Variants in ZFHX3 observed in about 807,000 individuals in gnomAD.
The protein encoded by ZFHX3 is zinc finger homeobox protein 3.
ZFHX3 carries 42 observed loss-of-function variants against 279.1 expected under a neutral mutation model. The ratio of observed to expected loss-of-function variants is 0.15; its 90% CI spans 0.12 to 0.19. The LOEUF is 0.19. Among genes scored for constraint, ZFHX3 ranks in the 10% least tolerant of loss-of-function variants. The probability of loss-of-function intolerance (pLI) is 1.00; values close to 1 mark genes in which losing one functional copy is unlikely to be tolerated. For missense variants in ZFHX3, 4,981 were observed against 4,754.0 expected, an observed-to-expected ratio of 1.05 and a Z score of -1.40; for synonymous variants, 2,293 against 1,957.8, an observed-to-expected ratio of 1.17 and a Z score of -4.52.
intron 4 of ZFHX3, among the ~76,000 whole-genome samples, chr16:73,308,826 A>G (rs1198858394): frequency 6.7e-6 from 1 of 149,758 alleles, no homozygotes; most frequent in Admixed American, 6.7e-5. Flanking sequence ...ACTAAAACAT[A>G]TTATATATAT....
At chr16:73,254,892 T>TTATC (rs1210739129) in intron 5 of ZFHX3, among the ~76,000 whole-genome samples, 1 of 152,046 alleles carries the variant, frequency 6.6e-6, no homozygotes, top group Non-Finnish European at 1.5e-5. Context: ...ATCCACCTGT[T>TTATC]TATCTATCCA....
At chr16:73,010,024 G>GAAAAAAAAAAAAAA (rs10709712) in intron 1 of ZFHX3, among the ~76,000 whole-genome samples, 1 of 84,654 alleles carries the variant, frequency 1.2e-5, no homozygotes, top group Non-Finnish European at 2.6e-5. Flanking sequence ...CCCTCTCAAA[G>GAAAAAAAAAAAAAA]AAAAAAAAAA....
intron 7 of ZFHX3, among the ~76,000 whole-genome samples, chr16:73,099,777 C>T (rs867942824): frequency 5.3e-5 from 8 of 150,048 alleles, no homozygotes; most frequent in South Asian, 2.1e-4. Flanking sequence ...GAGGAACAGA[C>T]GTGGGGTGGG....
intron 1 of ZFHX3, among the ~76,000 whole-genome samples, chr16:73,803,433 T>A (rs1254693839): frequency 6.6e-6 from 1 of 152,202 alleles, no homozygotes; most frequent in East Asian, 1.9e-4. Flanking sequence ...GAAGGAAATA[T>A]AAATTGCTAC....
At chr16:73,606,324 A>C (rs1388166987) in intron 2 of ZFHX3, among the ~76,000 whole-genome samples, 1 of 151,786 alleles carries the variant, frequency 6.6e-6, no homozygotes, top group African/African-American at 2.4e-5. Context: ...CCTAAAATAT[A>C]AAAATACAAA....
intron 1 of ZFHX3, among the ~76,000 whole-genome samples, chr16:73,011,744 G>GC (rs919529713): frequency 6.7e-6 from 1 of 149,342 alleles, no homozygotes; most frequent in East Asian, 2.0e-4. Context: ...AAAATCACAA[G>GC]CCCCCCTGTG....
chr16:73,312,709 A>G (rs2015354191), intron 4 of ZFHX3, among the ~76,000 whole-genome samples: 1 of 152,216 alleles, frequency 6.6e-6, no homozygotes, highest in Admixed American at 6.5e-5. Context: ...GCACAACTCT[A>G]CATTTGCCTC....
chr16:73,252,851 A>G (rs1365236852), intron 5 of ZFHX3, among the ~76,000 whole-genome samples: 1 of 152,184 alleles, frequency 6.6e-6, no homozygotes, highest in African/African-American at 2.4e-5. Context: ...AAAATGCATG[A>G]GAGAGAAAGG....
chr16:73,656,891 A>T (rs1445095337), intron 2 of ZFHX3, among the ~76,000 whole-genome samples: 1 of 152,252 alleles, frequency 6.6e-6, no homozygotes, highest in Non-Finnish European at 1.5e-5. Flanking sequence ...TTGTTTGCCA[A>T]GCTTCAGTCA....
At chr16:73,877,515 T>C (rs2029991236) in intron 1 of ZFHX3, among the ~76,000 whole-genome samples, 1 of 152,206 alleles carries the variant, frequency 6.6e-6, no homozygotes, top group African/African-American at 2.4e-5. Context: ...TTTAAGCCAG[T>C]TGATACAGAT....
intron 1 of ZFHX3, among the ~76,000 whole-genome samples, chr16:73,712,165 G>C (rs2053369299): frequency 6.6e-6 from 1 of 152,134 alleles, no homozygotes; most frequent in Non-Finnish European, 1.5e-5. Flanking sequence ...ATTTTCCCCA[G>C]CTTTGTCGCC....
chr16:73,533,103 C>T (rs1246889263), intron 2 of ZFHX3, among the ~76,000 whole-genome samples: 3 of 152,118 alleles, frequency 2.0e-5, no homozygotes, highest in African/African-American at 7.2e-5. Context: ...TGTTACGCTG[C>T]CAGGCCATCA....
At chr16:73,167,230 T>C (rs534017392) in intron 5 of ZFHX3, among the ~76,000 whole-genome samples, 8 of 152,232 alleles carry the variant, frequency 5.3e-5, no homozygotes, top group African/African-American at 1.9e-4. Context: ...GGATTGGAAA[T>C]TCTCTTAAAA....
At chr16:73,702,295 G>T (rs1029428441) in intron 1 of ZFHX3, among the ~76,000 whole-genome samples, 2 of 152,222 alleles carry the variant, frequency 1.3e-5, no homozygotes, top group Admixed American at 1.3e-4. Flanking sequence ...ACAGCAAAGA[G>T]AAGGGGCTGC....
chr16:72,929,391 A>T (rs1038955094), intron 3 of ZFHX3, among the ~76,000 whole-genome samples: 5 of 152,144 alleles, frequency 3.3e-5, no homozygotes, highest in Non-Finnish European at 5.9e-5. Context: ...GGTGAAAGGG[A>T]TGCAAAAGCT....
intron 2 of ZFHX3, among the ~76,000 whole-genome samples, chr16:73,466,970 T>C (rs931233897): frequency 2.0e-5 from 3 of 152,056 alleles, no homozygotes; most frequent in African/African-American, 4.8e-5. Context: ...TTTTTTAGGG[T>C]AACAAAGGTT....
intron 2 of ZFHX3, among the ~76,000 whole-genome samples, chr16:73,529,720 T>C (rs1423627804): frequency 1.3e-5 from 2 of 152,170 alleles, no homozygotes; most frequent in East Asian, 1.9e-4. Flanking sequence ...TAGATAGTAA[T>C]TCGGTGGAAA....
At chr16:73,252,006 C>T (rs558092963) in intron 5 of ZFHX3, among the ~76,000 whole-genome samples, 2 of 126,592 alleles carry the variant, frequency 1.6e-5, no homozygotes, top group Non-Finnish European at 3.3e-5. Flanking sequence ...CAAACACACA[C>T]ACCTCTTTAT....
intron 5 of ZFHX3, among the ~76,000 whole-genome samples, chr16:73,221,251 T>C (rs1041594683): frequency 6.6e-6 from 1 of 152,182 alleles, no homozygotes; most frequent in Admixed American, 6.5e-5. Context: ...GCCCATCGTA[T>C]AAAATTTGTA....
Sources: allele counts gnomAD v4.1 joint callset (sites outside exome capture counted in the v4.1 genomes callset), GRCh38; gene constraint gnomAD v4.1.1; transcripts MANE v1.5; gene names NCBI Gene and HGNC (gene_info 2026-07-23, HGNC 2026-07-21).